Variants in ADARB1 observed in about 807,000 individuals in gnomAD.
The protein encoded by ADARB1 is double-stranded RNA-specific editase 1.
ADARB1 carries 10 observed loss-of-function variants against 52.4 expected under a neutral mutation model. That is an observed-to-expected ratio of 0.19 (90% CI 0.12 to 0.32). The LOEUF (loss-of-function observed/expected upper bound fraction) is 0.32, where lower values mean the gene tolerates loss of function less well. Among genes scored for constraint, ADARB1 ranks in the 10% least tolerant of loss-of-function variants. The pLI, the probability that ADARB1 is intolerant of heterozygous loss-of-function variation, is 1.00. For missense variants in ADARB1, 643 were observed against 922.3 expected (o/e 0.70, Z 3.92); for synonymous variants, 349 against 371.1 (o/e 0.94, Z 0.68).
intron 9 of ADARB1, among the ~76,000 whole-genome samples, chr21:45,209,302 G>A (rs1218434380): frequency 1.3e-5 from 2 of 152,140 alleles, no homozygotes; most frequent in Non-Finnish European, 2.9e-5. Flanking sequence ...TTTAGATGAA[G>A]CCGTAAGAGC....
intron 1 of ADARB1, among the ~76,000 whole-genome samples, chr21:45,117,608 T>A (rs1441166999): frequency 6.6e-6 from 1 of 152,214 alleles, no homozygotes; most frequent in Non-Finnish European, 1.5e-5. Context: ...ATTCTGACTT[T>A]ATATAACTAA....
chr21:45,173,717 T>G (rs1471395062), intron 3 of ADARB1, among the ~76,000 whole-genome samples: 1 of 151,326 alleles, frequency 6.6e-6, no homozygotes, highest in Non-Finnish European at 1.5e-5. Flanking sequence ...AATTCCATCT[T>G]GGCTCTATTT....
intron 1 of ADARB1, among the ~76,000 whole-genome samples, chr21:45,110,068 A>G (rs2087465756): frequency 6.6e-6 from 1 of 152,162 alleles, no homozygotes; most frequent in African/African-American, 2.4e-5. Context: ...ATTCTGCTCT[A>G]TTAGCTGGGT....
At chr21:45,106,691 T>C (rs2087273149) in intron 1 of ADARB1, among the ~76,000 whole-genome samples, 1 of 152,204 alleles carries the variant, frequency 6.6e-6, no homozygotes, top group South Asian at 2.1e-4. Context: ...AACTTAACTA[T>C]AGTTAAACAA....
intron 8 of ADARB1, among the ~76,000 whole-genome samples, chr21:45,195,164 A>T (rs143846124): frequency 1.8e-4 from 27 of 152,276 alleles, no homozygotes; most frequent in African/African-American, 6.5e-4. Context: ...TATGATGTGG[A>T]GCATCTTTTC....
chr21:45,140,249 T>A (rs1005972846), intron 2 of ADARB1, among the ~76,000 whole-genome samples: 1 of 152,092 alleles, frequency 6.6e-6, no homozygotes, highest in Non-Finnish European at 1.5e-5. Flanking sequence ...TTCTGACAAA[T>A]GTATGCCAGT....
intron 8 of ADARB1, among the ~76,000 whole-genome samples, chr21:45,199,360 G>T (rs975290861): frequency 6.6e-6 from 1 of 152,184 alleles, no homozygotes; most frequent in East Asian, 1.9e-4. Flanking sequence ...GGCTCCACTC[G>T]CTATGGGGCA....
Position 45,188,070 on chromosome 21 carries a change from T to G in ADARB1, c.1565+2979T>G, listed in dbSNP as rs565600685. Among the ~76,000 whole-genome samples, 5 of 152,262 alleles carry G rather than the reference T, an allele frequency of 3.3e-5. No individual in the cohort carries two copies. In the South Asian group the frequency reaches 1.0e-3, roughly 32 times the overall value. ...CAGGAGGATTGGTGGTAATTATTCT[T>G]AAATGTTTGGTAGAATTCTCTAGTG... On this transcript the variant is annotated intron_variant, in intron 8 of 10. Coordinates refer to ENST00000348831, the MANE Select transcript of ADARB1 (RefSeq NM_001112.4).
chr21:45,087,219 C>A (rs754956363), intron 1 of ADARB1, among the ~76,000 whole-genome samples: 1 of 152,184 alleles, frequency 6.6e-6, no homozygotes, highest in African/African-American at 2.4e-5. Context: ...AGGAATCCTT[C>A]CAGAAGATAG....
intron 9 of ADARB1, among the ~76,000 whole-genome samples, chr21:45,215,794 G>A (rs73386742): frequency 0.022 from 3,417 of 152,178 alleles, 126 homozygotes; most frequent in African/African-American, 0.079. Flanking sequence ...TTGTCTGTAG[G>A]GATATTGGGC....
At chr21:45,210,207 A>G (rs2092740989) in intron 9 of ADARB1, among the ~76,000 whole-genome samples, 1 of 152,158 alleles carries the variant, frequency 6.6e-6, no homozygotes, top group East Asian at 1.9e-4. Context: ...TTGCATACTG[A>G]GAGAACAACT....
At chr21:45,162,799 C>T (rs1012304276) in intron 2 of ADARB1, among the ~76,000 whole-genome samples, 13 of 152,240 alleles carry the variant, frequency 8.5e-5, no homozygotes, top group Non-Finnish European at 1.9e-4. Flanking sequence ...ACTCTCAGCT[C>T]ACAGCACCAG....
rs377514557 is a variant in ADARB1, at chr21:45,109,248, CGT to C, written c.-219-19150_-219-19149del. Among the ~76,000 whole-genome samples the C allele has an allele frequency of 3.2e-5, 4 of 124,208 alleles. No individual in the cohort carries two copies. The East Asian group carries it at 9.3e-4, about 29-fold the overall frequency. The allele number at this position is 124,208 out of a possible 152,430, so 81.5% of individuals were successfully genotyped here. A position where few individuals can be genotyped will look rare whatever the true frequency, so the allele number is the denominator to read the frequency against. On this transcript the variant is annotated intron_variant, in intron 1 of 10. Transcript: ENST00000348831. ...GCTTGTGTGTATATGTGTGTGCGCGCGTGTGCGTATGTGTGTGCACTGCGCGC... is the reference window on the plus strand; with the variant it reads ...GCTTGTGTGTATATGTGTGTGCGCGCGTGCGTATGTGTGTGCACTGCGCGC...
At position 45,223,230 on chromosome 21, in the gene ADARB1, A is replaced by G. The variant is rs2092996458; in HGVS notation, c.*1033A>G. 2.0e-6 allele frequency: 2 copies of G among 985,160 alleles called. No homozygotes were observed. The highest frequency in any genetic ancestry group is 2.4e-6 in the Non-Finnish European group (2 of 829,760). The allele number at this position is 985,160 out of a possible 1,614,324, so 61.0% of individuals were successfully genotyped here. ...TTCTTGGAAAATGCCATAGTTTTAA[A>G]TTATTGTTTCCAGCTTTATCAAAGA... On this transcript the variant is annotated 3_prime_UTR_variant, in exon 11 of 11. Coordinates refer to ENST00000348831, the MANE Select transcript of ADARB1 (RefSeq NM_001112.4).
chr21:45,109,275 C>T (rs967185096), intron 1 of ADARB1, among the ~76,000 whole-genome samples: 13 of 143,292 alleles, frequency 9.1e-5, no homozygotes, highest in Admixed American at 1.4e-4. Flanking sequence ...GCACTGCGCG[C>T]GTGTGCGCGC....
rs2090032128 is a variant in ADARB1, at chr21:45,146,822, C to G, written c.-48+18249C>G. 2.0e-5 allele frequency among the ~76,000 whole-genome samples: 3 copies of G among 152,146 alleles called. No individual in the cohort carries two copies. The South Asian group carries it at 6.2e-4, about 32-fold the overall frequency. On this transcript the variant is annotated intron_variant, in intron 2 of 10. Transcript: ENST00000348831. The stretch of plus-strand genomic sequence containing the variant: ...TTTACCATCTGTCTTTTCCTTTTTT[C>G]TTACCCTGTGTTTGGCTTGATCTGG...
Position 45,157,667 on chromosome 21 carries a change from G to A in ADARB1, c.-47-13943G>A, listed in dbSNP as rs1277711883. Among the ~76,000 whole-genome samples the A allele has an allele frequency of 1.3e-5, 2 of 152,104 alleles. No individual in the cohort carries two copies. The highest frequency in any genetic ancestry group is 2.9e-5 in the Non-Finnish European group (2 of 68,018). On this transcript the variant is annotated intron_variant, in intron 2 of 10. Transcript: ENST00000348831. The surrounding 1 kb of genome is among the most constrained non-coding windows in gnomAD (Gnocchi z 4.1). ...CGTGTGGATCAGTGTGGCTCTGTAT[G>A]TGTGAACATGTATGGACATATGTGC...
chr21:45,081,877 G>A (rs990838628), intron 1 of ADARB1, among the ~76,000 whole-genome samples: 11 of 152,200 alleles, frequency 7.2e-5, no homozygotes, highest in Admixed American at 2.6e-4. Flanking sequence ...GTCCAGTCAG[G>A]GGCTAGGAGG....
intron 1 of ADARB1, among the ~76,000 whole-genome samples, chr21:45,121,656 C>A (rs921420878): frequency 9.9e-5 from 15 of 152,246 alleles, no homozygotes; most frequent in African/African-American, 3.6e-4. Flanking sequence ...CCCAGTTTGG[C>A]CATTTTCTCT....
Sources: gnomAD v4.1 joint callset for allele counts (sites outside exome capture counted in the v4.1 genomes callset) on GRCh38, gnomAD v4.1.1 for gene constraint, Gnocchi (gnomAD v3.1) non-coding constraint, MANE v1.5 for transcripts, NCBI Gene and HGNC (gene_info 2026-07-23, HGNC 2026-07-21) for gene names.